PAX7: variants seen among roughly 807,000 people sequenced by gnomAD.
PAX7 encodes the protein paired box 7, also known as paired box protein Pax-7.
A neutral mutation model predicts 50.7 loss-of-function variants in PAX7; 18 were observed. That is an observed-to-expected ratio of 0.36 (90% CI 0.25 to 0.53). PAX7 has a LOEUF of 0.53. PAX7 is among the 20% of genes least tolerant of loss of function. The pLI is 0.93. For missense variants in PAX7, 644 were observed against 702.9 expected (o/e 0.92, Z 0.95); for synonymous variants, 310 against 290.4 (o/e 1.07, Z -0.69).
intron 5 of PAX7, among the ~76,000 whole-genome samples, chr1:18,697,926 C>T (rs949307650): frequency 3.3e-5 from 5 of 151,852 alleles, no homozygotes; most frequent in African/African-American, 7.3e-5. Context: ...TCTTGCTTGG[C>T]ACAGAGAGGA....
At chr1:18,661,911 G>T (rs920422610) in intron 4 of PAX7, among the ~76,000 whole-genome samples, 6 of 152,226 alleles carry the variant, frequency 3.9e-5, no homozygotes, top group African/African-American at 1.4e-4. Flanking sequence ...ATGGGCACAG[G>T]AAGCTTTATT....
At position 18,700,209 on chromosome 1, in the gene PAX7, C is replaced by T. The variant is rs1425690949; in HGVS notation, c.787-444C>T. ...GGCTTGCACATCTGGGTCTGAAGTG[C>T]AGGTCTCATTCAGGTGGGTTGCAGA... On this transcript the variant is annotated intron_variant, in intron 5 of 8. Coordinates refer to ENST00000420770, the MANE Select transcript of PAX7 (RefSeq NM_001135254.2). The surrounding 1 kb of genome is among the most constrained non-coding windows in gnomAD (Gnocchi z 4.8). 6.6e-6 allele frequency among the ~76,000 whole-genome samples: 1 copy of T among 151,808 alleles called. No homozygotes were observed. The highest frequency in any genetic ancestry group is 2.4e-5 in the African/African-American group (1 of 41,324).
At chr1:18,685,030 G>T (rs1273965633) in intron 4 of PAX7, among the ~76,000 whole-genome samples, 2 of 152,162 alleles carry the variant, frequency 1.3e-5, no homozygotes, top group East Asian at 1.9e-4. Flanking sequence ...AGGAGGGAAA[G>T]GTTGGGGATG....
At chr1:18,705,067 T>C (rs12040229) in intron 7 of PAX7, among the ~76,000 whole-genome samples, 26,095 of 152,076 alleles carry the variant, frequency 0.17, 2,488 homozygotes, top group Admixed American at 0.29. Context: ...GTCCGCAGTA[T>C]GAAGGGTGAT....
At chr1:18,643,755 C>T (rs1449492809) in intron 4 of PAX7, among the ~76,000 whole-genome samples, 1 of 152,234 alleles carries the variant, frequency 6.6e-6, no homozygotes, top group African/African-American at 2.4e-5. Flanking sequence ...AAAGGCAGTT[C>T]ATCATATTAC....
chr1:18,631,711 C>CG, intron 1 of PAX7, 23 bp downstream of exon 1: 1 of 1,590,282 alleles, frequency 6.3e-7, no homozygotes, highest in Non-Finnish European at 8.6e-7. Context: ...AGGCTGGCCT[C>CG]GCCGCGACTC....
intron 8 of PAX7, among the ~76,000 whole-genome samples, chr1:18,740,442 C>T (rs1931071103): frequency 2.0e-5 from 3 of 152,194 alleles, no homozygotes; most frequent in East Asian, 1.9e-4. Context: ...CCATGTCACG[C>T]ACTGCATGTG....
intron 4 of PAX7, among the ~76,000 whole-genome samples, chr1:18,686,951 C>T (rs754113484): frequency 7.3e-5 from 11 of 150,100 alleles, no homozygotes; most frequent in Non-Finnish European, 1.0e-4. Flanking sequence ...CATGCAGTGG[C>T]GTGATCTCAG....
chr1:18,711,851 G>C (rs1381218499), intron 7 of PAX7, among the ~76,000 whole-genome samples: 1 of 152,120 alleles, frequency 6.6e-6, no homozygotes, highest in Non-Finnish European at 1.5e-5. Context: ...GGATCTTCTT[G>C]GACCTGAAGC....
intron 4 of PAX7, among the ~76,000 whole-genome samples, chr1:18,664,019 T>C (rs2088634234): frequency 6.6e-6 from 1 of 152,234 alleles, no homozygotes; most frequent in African/African-American, 2.4e-5. Context: ...TAAAGTGGGA[T>C]TCCAGGGCTG....
Position 18,662,656 on chromosome 1 carries a change from C to T in PAX7, c.586+26285C>T, listed in dbSNP as rs567687566. On this transcript the variant is annotated intron_variant, in intron 4 of 8. Coordinates refer to ENST00000420770, the MANE Select transcript of PAX7 (RefSeq NM_001135254.2). ...CACAATCTAAGCTCGCTGCAGCCTC[C>T]GCCTCCTGAGTTCAACCAGTTCTCC... Among the ~76,000 whole-genome samples the T allele has an allele frequency of 1.5e-4, 23 of 152,222 alleles. No homozygotes were observed. The East Asian group carries it at 1.7e-3, about 12-fold the overall frequency.
At position 18,703,083 on chromosome 1, in the gene PAX7, T is replaced by C; in HGVS notation, c.953-11T>C. The C allele has an allele frequency of 6.2e-7, 1 of 1,611,912 alleles. No individual in the cohort carries two copies. Among genetic ancestry groups the C allele is most frequent in the Non-Finnish European group, 8.5e-7 (1 of 1,178,628 alleles). ...CCACTTGCTTAGGACCTCTCTTGGG[T>C]CTCTCTACAGATGGGGGCAGCACTG... On this transcript the variant is annotated splice_polypyrimidine_tract_variant and intron_variant, in intron 6 of 8. Coordinates refer to ENST00000420770, the MANE Select transcript of PAX7 (RefSeq NM_001135254.2).
chr1:18,664,805 A>T (rs2088645625), intron 4 of PAX7, among the ~76,000 whole-genome samples: 1 of 152,004 alleles, frequency 6.6e-6, no homozygotes, highest in Non-Finnish European at 1.5e-5. Flanking sequence ...TTCCCTAGAC[A>T]TATGCTGGCC....
chr1:18,738,785 C>T (rs1387063929), intron 8 of PAX7, among the ~76,000 whole-genome samples: 10 of 152,180 alleles, frequency 6.6e-5, no homozygotes, highest in African/African-American at 2.4e-4. Context: ...TCCTCTGCCC[C>T]CAATTAGTGC....
rs115744004 is a variant in PAX7, at chr1:18,674,028, A to T, written c.587-17726A>T. The stretch of plus-strand genomic sequence containing the variant: ...AATTATTGTACAAAACAATCCTAAC[A>T]CACTCACCAACAATCACGTTGGCTT... On this transcript the variant is annotated intron_variant, in intron 4 of 8. Coordinates refer to ENST00000420770, the MANE Select transcript of PAX7 (RefSeq NM_001135254.2). 4.1e-3 allele frequency among the ~76,000 whole-genome samples: 630 copies of T among 152,334 alleles called. 5 individuals carry two copies. The highest frequency in any genetic ancestry group is 6.8e-3 in the Non-Finnish European group (460 of 68,042).
Position 18,703,310 on chromosome 1 carries a change from G to A in PAX7, c.1155+14G>A, listed in dbSNP as rs776847609. ...CTGTCTCCTCAGGTAGGTGGTCTCA[G>A]CCCAGCACCCAGGATCCCACCGCCA... On this transcript the variant is annotated intron_variant, in intron 7 of 8. Coordinates refer to ENST00000420770, the MANE Select transcript of PAX7 (RefSeq NM_001135254.2). 4 of 1,611,546 alleles carry A rather than the reference G, an allele frequency of 2.5e-6. No homozygotes were observed. The highest frequency in any genetic ancestry group is 3.4e-6 in the Non-Finnish European group (4 of 1,178,798).
intron 4 of PAX7, among the ~76,000 whole-genome samples, chr1:18,685,538 C>A (rs777298894): frequency 6.6e-6 from 1 of 152,196 alleles, no homozygotes. Context: ...GCCCAGGAAG[C>A]CTTGCTGGGG....
At chr1:18,743,332 C>G (rs1016168804) in intron 8 of PAX7, among the ~76,000 whole-genome samples, 4 of 152,236 alleles carry the variant, frequency 2.6e-5, no homozygotes, top group Admixed American at 6.5e-5. Context: ...CTAGGCAATA[C>G]AGCCTCCCGT....
At chr1:18,719,019 A>G (rs2089463201) in intron 7 of PAX7, among the ~76,000 whole-genome samples, 1 of 152,222 alleles carries the variant, frequency 6.6e-6, no homozygotes, top group Non-Finnish European at 1.5e-5. Context: ...CAGCAATCTC[A>G]GAGCTAGAAG....
Sources: allele counts gnomAD v4.1 joint callset (sites outside exome capture counted in the v4.1 genomes callset), GRCh38; gene constraint gnomAD v4.1.1; non-coding constraint Gnocchi (gnomAD v3.1); transcripts MANE v1.5; gene names NCBI Gene and HGNC (gene_info 2026-07-23, HGNC 2026-07-21).